Variants in TNS1 observed in about 807,000 individuals in gnomAD.
TNS1 encodes the protein tensin-1.
In TNS1, 62 loss-of-function variants were observed where a neutral mutation model predicts 168.6. The observed-to-expected ratio is 0.37, with a 90% CI of 0.30 to 0.45. The LOEUF (loss-of-function observed/expected upper bound fraction) is 0.45. Among genes scored for constraint, TNS1 ranks in the 20% least tolerant of loss-of-function variants. TNS1 has a pLI of 1.00. For missense variants in TNS1, 2,240 were observed against 2,339.4 expected, an observed-to-expected ratio of 0.96 and a Z score of 0.88; for synonymous variants, 934 against 933.2, an observed-to-expected ratio of 1.00 and a Z score of -0.02.
chr2:217,804,573 G>A lies in TNS1; in HGVS notation c.5406C>T (p.Gly1802=). Residue 1802 remains glycine, a synonymous_variant, in exon 33 of 33, where the codon GGC becomes GGT. Coordinates refer to ENST00000682258, the MANE Select transcript of TNS1 (RefSeq NM_001387777.1). ...GGTGGCAGGCGTTGTCCGTGGTGCT[G>A]CCCTGCTTCCGGGCCACGAAGCCGA... ...KLFGFVARKQ[G]STTDNACHLF... 1.2e-6 allele frequency: 2 copies of A among 1,614,138 alleles called. No homozygotes were observed. The highest frequency in any genetic ancestry group is 1.7e-6 in the Non-Finnish European group (2 of 1,179,978).
Position 217,930,147 on chromosome 2 carries a change from T to A in TNS1, c.187-9911A>T, listed in dbSNP as rs1319006875. 2.0e-5 allele frequency among the ~76,000 whole-genome samples: 3 copies of A among 152,354 alleles called. No individual in the cohort carries two copies. The South Asian group carries it at 6.2e-4, about 32-fold the overall frequency. Reference sequence around the variant, plus strand: ...AGAGAAAATTACGTTCAGGTCCGCTTTCATTCAATACGGCGCACTCTGAGC... The same window carrying A: ...AGAGAAAATTACGTTCAGGTCCGCTATCATTCAATACGGCGCACTCTGAGC... On this transcript the variant is annotated intron_variant, in intron 3 of 32. Coordinates refer to ENST00000682258, the MANE Select transcript of TNS1 (RefSeq NM_001387777.1).
intron 6 of TNS1, 22 bp downstream of exon 6, chr2:217,906,313 T>C (rs1323766848): frequency 1.5e-6 from 1 of 673,878 alleles, no homozygotes; most frequent in African/African-American, 1.8e-5. Flanking sequence ...GCCCCATCCT[T>C]CTTCTCCCCA....
rs1489932110 is a variant in TNS1, at chr2:217,818,047, C to T, written c.4285G>A (p.Gly1429Ser). The stretch of plus-strand genomic sequence containing the variant: ...CTCCGATCCTCCGGGGTAGAATAGC[C>T]ACCATAGGCCACATGCCGGTCCAAG... ...PCLDRHVAYG[G>S]YSTPEDRRPT... The change falls in exon 24 of 33, where the codon GGC (glycine) becomes AGC (serine). Residue 1429 changes from glycine to serine, a missense_variant. Around this residue, in one of 2 missense-constraint regions of TNS1, gnomAD observed 2,131 missense variants for 2,171.2 expected, o/e 0.98. Transcript: ENST00000682258. 4.4e-6 allele frequency: 7 copies of T among 1,607,174 alleles called. No individual in the cohort carries two copies. The highest frequency in any genetic ancestry group is 1.1e-5 in the South Asian group (1 of 89,916).
intron 1 of TNS1, among the ~76,000 whole-genome samples, chr2:218,030,644 AC>A (rs1426014566): frequency 4.6e-5 from 7 of 152,264 alleles, no homozygotes; most frequent in Non-Finnish European, 8.8e-5. Context: ...TGGGGATGAA[AC>A]CCTCACTTGT....
At chr2:217,990,807 C>A in intron 2 of TNS1, 135 bp downstream of exon 2, 1 of 351,434 alleles carries the variant, frequency 2.8e-6, no homozygotes, top group African/African-American at 2.1e-5. Flanking sequence ...TCAGCATCCT[C>A]CACCAGATGA....
upstream of TNS1, among the ~76,000 whole-genome samples, chr2:218,005,256 A>G (rs537153032): frequency 6.6e-6 from 1 of 152,222 alleles, no homozygotes; most frequent in Non-Finnish European, 1.5e-5. Flanking sequence ...AATGCTGGAA[A>G]ATCAAACCAA....
intron 1 of TNS1, among the ~76,000 whole-genome samples, chr2:218,019,986 G>C (rs188116757): frequency 3.3e-5 from 5 of 152,236 alleles, no homozygotes; most frequent in African/African-American, 1.2e-4. Context: ...TTGCAGGTAA[G>C]AGAGCCAAGC....
At chr2:217,950,702 C>A (rs1305649778) in intron 3 of TNS1, among the ~76,000 whole-genome samples, 1 of 151,072 alleles carries the variant, frequency 6.6e-6, no homozygotes, top group Non-Finnish European at 1.5e-5. Flanking sequence ...TGTCCACTGG[C>A]CCAGGTCCAA....
At chr2:217,844,088 G>A (rs1946335326) in intron 19 of TNS1, among the ~76,000 whole-genome samples, 1 of 152,038 alleles carries the variant, frequency 6.6e-6, no homozygotes, top group African/African-American at 2.4e-5. Context: ...TTCTATTCAT[G>A]GAGCTCAGAA....
At chr2:217,981,441 G>A (rs1958046058) in intron 2 of TNS1, among the ~76,000 whole-genome samples, 1 of 152,238 alleles carries the variant, frequency 6.6e-6, no homozygotes, top group Admixed American at 6.5e-5. Flanking sequence ...TCAAGTGGGG[G>A]GGCAAATGGA....
intron 20 of TNS1, 74 bp from the exon 21 acceptor site, chr2:217,835,240 T>C: frequency 2.1e-6 from 3 of 1,433,162 alleles, no homozygotes; most frequent in Non-Finnish European, 2.9e-6. Flanking sequence ...TGACCTGAGG[T>C]ATGAGGACAG....
In TNS1 at chr2:217,893,001, G is replaced by GCCT; in HGVS notation, c.726_728dup (p.Gly243dup). 6.2e-7 allele frequency: 1 copy of GCCT among 1,614,144 alleles called. No homozygotes were observed. Among genetic ancestry groups the GCCT allele is most frequent in the Non-Finnish European group, 8.5e-7 (1 of 1,180,006 alleles). ...AAGCCGCGATGACAACTCCTATCCT[G>GCCT]CCTCGGTTTCCCTGAAAGAGCCCCA... On this transcript the variant is annotated inframe_insertion, in exon 11 of 33. Transcript: ENST00000682258.
intron 11 of TNS1, among the ~76,000 whole-genome samples, chr2:217,892,527 G>A (rs1951844503): frequency 6.6e-6 from 1 of 152,246 alleles, no homozygotes; most frequent in African/African-American, 2.4e-5. Context: ...TAGGTAGGAA[G>A]AGGGCCCTGT....
chr2:217,927,643 A>G (rs1229675886), intron 3 of TNS1, among the ~76,000 whole-genome samples: 1 of 152,178 alleles, frequency 6.6e-6, no homozygotes, highest in Non-Finnish European at 1.5e-5. Flanking sequence ...AGAGGCCATC[A>G]GGCACCCTGA....
chr2:217,956,293 G>A (rs532428492), intron 3 of TNS1, among the ~76,000 whole-genome samples: 10 of 152,154 alleles, frequency 6.6e-5, no homozygotes, highest in African/African-American at 1.9e-4. Flanking sequence ...ATGAGCCACC[G>A]CACCCGGCCA....
chr2:217,899,838 A>G (rs1418045982), intron 7 of TNS1, among the ~76,000 whole-genome samples: 2 of 152,230 alleles, frequency 1.3e-5, no homozygotes, highest in African/African-American at 4.8e-5. Flanking sequence ...CAGCTGGGCC[A>G]GAAACTTCCA....
At position 217,936,758 on chromosome 2, in the gene TNS1, A is replaced by G. The variant is rs1274782963; in HGVS notation, c.187-16522T>C. The stretch of plus-strand genomic sequence containing the variant: ...ACAGTTTCAGGCTCTCCCCAAAGCC[A>G]TCCTTTCCCACACATGCCATTTTAA... On this transcript the variant is annotated intron_variant, in intron 3 of 32. Coordinates refer to ENST00000682258, the MANE Select transcript of TNS1 (RefSeq NM_001387777.1). Among the ~76,000 whole-genome samples the G allele has an allele frequency of 2.6e-5, 4 of 152,092 alleles. No individual in the cohort carries two copies. In the East Asian group the frequency reaches 5.8e-4, roughly 22 times the overall value.
intron 15 of TNS1, 91 bp downstream of exon 15, chr2:217,885,653 C>A (rs975316419): frequency 7.3e-7 from 1 of 1,364,142 alleles, no homozygotes; most frequent in East Asian, 2.3e-5. Context: ...AGGAGGAGTA[C>A]CTGTCTTGTC....
intron 7 of TNS1, among the ~76,000 whole-genome samples, 165 bp downstream of exon 7, chr2:217,900,298 G>A (rs1057462752): frequency 6.6e-6 from 1 of 152,222 alleles, no homozygotes; most frequent in Non-Finnish European, 1.5e-5. Context: ...TGTTGCCAAC[G>A]GCATCCGCAC....
Sources: gnomAD v4.1 joint callset for allele counts (sites outside exome capture counted in the v4.1 genomes callset) on GRCh38, gnomAD v4.1.1 for gene constraint, gnomAD v4.1.1 regional missense constraint, MANE v1.5 for transcripts, NCBI Gene and HGNC (gene_info 2026-07-23, HGNC 2026-07-21) for gene names.